Variants in ZSWIM5 observed in about 807,000 individuals in gnomAD.
The protein encoded by ZSWIM5 is zinc finger SWIM-type containing 5.
Under a neutral mutation model 119.6 loss-of-function variants are expected in ZSWIM5, and 55 were observed. The ratio of observed to expected loss-of-function variants is 0.46; its 90% CI spans 0.37 to 0.58. The LOEUF (loss-of-function observed/expected upper bound fraction) is 0.58, where lower values mean the gene tolerates loss of function less well. Ranked by LOEUF, ZSWIM5 falls within the 20% of genes least tolerant of loss-of-function variation. The probability of loss-of-function intolerance (pLI) is 0.00; values close to 1 mark genes in which losing one functional copy is unlikely to be tolerated. For synonymous variants in ZSWIM5, 537 were observed against 606.9 expected (o/e 0.88, Z 1.69); for missense variants, 1,193 against 1,512.8 (o/e 0.79, Z 3.51).
intron 1 of ZSWIM5, among the ~76,000 whole-genome samples, chr1:45,147,735 C>CA (rs374045803): frequency 6.6e-6 from 1 of 152,180 alleles, no homozygotes; most frequent in African/African-American, 2.4e-5. Context: ...TCATCACCCA[C>CA]ACCCCCAAAA....
chr1:45,023,922 A>G (rs1271570265), intron 11 of ZSWIM5, among the ~76,000 whole-genome samples: 1 of 152,222 alleles, frequency 6.6e-6, no homozygotes, highest in African/African-American at 2.4e-5. Context: ...GTGTAATGAT[A>G]TCTCACTGTA....
At chr1:45,196,034 G>GTTTTTGTTTT (rs1646120261) in intron 1 of ZSWIM5, among the ~76,000 whole-genome samples, 1 of 103,910 alleles carries the variant, frequency 9.6e-6, no homozygotes, top group Non-Finnish European at 2.0e-5. Context: ...CACCCAGCTA[G>GTTTTTGTTTT]TTTTTTTTTT....
intron 1 of ZSWIM5, among the ~76,000 whole-genome samples, chr1:45,170,219 A>C (rs1280806285): frequency 1.3e-5 from 2 of 152,054 alleles, no homozygotes; most frequent in Non-Finnish European, 2.9e-5. Flanking sequence ...ATAAGTATGT[A>C]ATTTTTGAAA....
intron 1 of ZSWIM5, among the ~76,000 whole-genome samples, chr1:45,186,541 A>T (rs1174154268): frequency 6.6e-6 from 1 of 151,966 alleles, no homozygotes; most frequent in Non-Finnish European, 1.5e-5. Context: ...ATGGAAAGAG[A>T]TTCTTTCCAA....
At chr1:45,082,055 T>G (rs1645296493) in intron 2 of ZSWIM5, among the ~76,000 whole-genome samples, 1 of 152,186 alleles carries the variant, frequency 6.6e-6, no homozygotes, top group Non-Finnish European at 1.5e-5. Context: ...CTGAAACATG[T>G]GCTGTGTCCA....
In ZSWIM5 at chr1:45,205,848, GC is replaced by G. The variant is rs1346379111; in HGVS notation, c.502del (p.Ala168ProfsTer35). ...AGASPGLGAGAGAAGCGGEGL... is the reference protein window; with the variant it reads ...AGASPGLGAGXGAAGCGGEGL... The stretch of plus-strand genomic sequence containing the variant: ...CTCGCCACCGCAGCCGGCCGCGCCG[GC>G]CCCTGCGCCCAGCCCGGGGGATGCC... On this transcript the variant is annotated frameshift_variant, in exon 1 of 14. Transcript: ENST00000359600. LOFTEE classifies it high-confidence loss of function. 6.8e-7 allele frequency: 1 copy of G among 1,460,202 alleles called. No individual in the cohort carries two copies. 90.5% of individuals were successfully genotyped at this position (1,460,202 alleles called of 1,614,324 possible). A position where few individuals can be genotyped will look rare whatever the true frequency, so the allele number is the denominator to read the frequency against.
chr1:45,100,876 T>A (rs1300800686), intron 1 of ZSWIM5, among the ~76,000 whole-genome samples: 4 of 152,214 alleles, frequency 2.6e-5, no homozygotes, highest in African/African-American at 7.2e-5. Context: ...GATCCTTTCC[T>A]TATACCTTAT....
intron 1 of ZSWIM5, among the ~76,000 whole-genome samples, chr1:45,155,893 G>A (rs115307212): frequency 6.9e-4 from 104 of 151,776 alleles, no homozygotes; most frequent in African/African-American, 2.5e-3. Context: ...GGAAAGAGTG[G>A]GAAGTGGGTG....
chr1:45,183,504 A>G (rs1646036052), intron 1 of ZSWIM5, among the ~76,000 whole-genome samples: 1 of 152,216 alleles, frequency 6.6e-6, no homozygotes, highest in African/African-American at 2.4e-5. Context: ...ACCGCTAGCA[A>G]GACTAATAAA....
intron 6 of ZSWIM5, among the ~76,000 whole-genome samples, chr1:45,040,758 G>A (rs1229113493): frequency 6.6e-6 from 1 of 152,188 alleles, no homozygotes; most frequent in African/African-American, 2.4e-5. Flanking sequence ...GTGGTCTATG[G>A]TGTAGAAAGG....
chr1:45,158,357 C>A (rs1645843717), intron 1 of ZSWIM5, among the ~76,000 whole-genome samples: 1 of 151,812 alleles, frequency 6.6e-6, no homozygotes, highest in South Asian at 2.1e-4. Context: ...TTAGTAGAGG[C>A]AGGGTTTTGC....
Position 45,180,313 on chromosome 1 carries a change from G to C in ZSWIM5, c.595+25443C>G, listed in dbSNP as rs530074893. On this transcript the variant is annotated intron_variant, in intron 1 of 13. Coordinates refer to ENST00000359600, the MANE Select transcript of ZSWIM5 (RefSeq NM_020883.2). ...ACCTGGCTCGGAGGGTCCTACCCACGGAGTCTCACTGATTGCTAGCACAGC... is the reference window on the plus strand; with the variant it reads ...ACCTGGCTCGGAGGGTCCTACCCACCGAGTCTCACTGATTGCTAGCACAGC... 2.1e-3 allele frequency among the ~76,000 whole-genome samples: 316 copies of C among 152,284 alleles called. 2 individuals are homozygous for C. The highest frequency in any genetic ancestry group is 3.4e-3 in the Middle Eastern group (1 of 294).
chr1:45,193,603 C>A (rs1646104656), intron 1 of ZSWIM5, among the ~76,000 whole-genome samples: 1 of 151,954 alleles, frequency 6.6e-6, no homozygotes, highest in Non-Finnish European at 1.5e-5. Context: ...TCACTAGCGA[C>A]CTTTAAGAGA....
At chr1:45,180,280 T>C (rs1007268161) in intron 1 of ZSWIM5, among the ~76,000 whole-genome samples, 2 of 152,190 alleles carry the variant, frequency 1.3e-5, no homozygotes, top group Non-Finnish European at 2.9e-5. Flanking sequence ...CAGGAGATTA[T>C]ATCCTGCACC....
intron 1 of ZSWIM5, among the ~76,000 whole-genome samples, chr1:45,191,396 A>G (rs1395893578): frequency 6.6e-6 from 1 of 152,204 alleles, no homozygotes; most frequent in Admixed American, 6.5e-5. Context: ...CTGGGCAGCA[A>G]GTAGTTCCCT....
At chr1:45,149,692 T>G (rs1557780737) in intron 1 of ZSWIM5, among the ~76,000 whole-genome samples, 2 of 152,230 alleles carry the variant, frequency 1.3e-5, no homozygotes, top group Admixed American at 1.3e-4. Flanking sequence ...TGCATCCACA[T>G]GGAAGTACAG....
chr1:45,029,366 T>C (rs1037666128), intron 11 of ZSWIM5, among the ~76,000 whole-genome samples: 1 of 152,238 alleles, frequency 6.6e-6, no homozygotes, highest in African/African-American at 2.4e-5. Flanking sequence ...GTATTCCTGA[T>C]GTTTCCTTAT....
chr1:45,041,511 C>T (rs112892568), intron 6 of ZSWIM5, among the ~76,000 whole-genome samples: 9,681 of 149,580 alleles, frequency 0.065, 1,035 homozygotes, highest in African/African-American at 0.22. Flanking sequence ...TTTCCAGTGT[C>T]ATGTATATTT....
At chr1:45,117,364 G>A (rs1033505285) in intron 1 of ZSWIM5, among the ~76,000 whole-genome samples, 3 of 141,950 alleles carry the variant, frequency 2.1e-5, no homozygotes, top group Admixed American at 2.0e-4. Context: ...TGGTTGCCCA[G>A]TTAAATTCAC....
Sources: gnomAD v4.1 joint callset for allele counts (sites outside exome capture counted in the v4.1 genomes callset) on GRCh38, gnomAD v4.1.1 for gene constraint, MANE v1.5 for transcripts, NCBI Gene and HGNC (gene_info 2026-07-23, HGNC 2026-07-21) for gene names.